The following TENM2 variants were observed in gnomAD, a reference collection of about 807,000 sequenced individuals.
TENM2 encodes the protein teneurin transmembrane protein 2.
A neutral mutation model predicts 245.2 loss-of-function variants in TENM2; 52 were observed. That is an observed-to-expected ratio of 0.21 (90% CI 0.17 to 0.27). TENM2 has a LOEUF of 0.27. TENM2 is among the 10% of genes least tolerant of loss of function. TENM2 has a pLI of 1.00. For synonymous variants in TENM2, 1,363 were observed against 1,438.9 expected (o/e 0.95, Z 1.19); for missense variants, 3,046 against 3,666.8 (o/e 0.83, Z 4.37).
At chr5:167,792,464 T>C (rs1021736053) in intron 2 of TENM2, among the ~76,000 whole-genome samples, 2 of 151,860 alleles carry the variant, frequency 1.3e-5, no homozygotes, top group African/African-American at 2.4e-5. Flanking sequence ...ATTTGGAACA[T>C]ATCCCAACCA....
chr5:167,230,236 A>G, the TENM2 span, among the ~76,000 whole-genome samples: 2 of 152,068 alleles, frequency 1.3e-5, no homozygotes, highest in Non-Finnish European at 2.9e-5. Context: ...AAGGTCAAGG[A>G]GCTCTCACCT....
chr5:167,049,256 G>A, the TENM2 span, among the ~76,000 whole-genome samples: 2 of 152,266 alleles, frequency 1.3e-5, no homozygotes, highest in East Asian at 1.9e-4. Flanking sequence ...GCAAATCAGC[G>A]CCCTCTAGGC....
chr5:167,537,250 C>CAAAA lies in TENM2; in HGVS notation c.502+161792_502+161795dup, dbSNP rs386405596. The stretch of plus-strand genomic sequence containing the variant: ...AATATAGTGAGACCCCCATCTCTAC[C>CAAAA]AAAAAAAAAAAAAAAAAAGCCAGTT... On this transcript the variant is annotated intron_variant, in intron 2 of 28. Transcript: ENST00000518659. Among the ~76,000 whole-genome samples the CAAAA allele has an allele frequency of 7.0e-3, 764 of 108,434 alleles. 18 individuals are homozygous for CAAAA. The highest frequency in any genetic ancestry group is 0.013 in the South Asian group (37 of 2,898). The allele number at this position is 108,434 out of a possible 152,430, so 71.1% of individuals were successfully genotyped here. A position where few individuals can be genotyped will look rare whatever the true frequency, so the allele number is the denominator to read the frequency against.
At chr5:167,063,543 G>C in the TENM2 span, among the ~76,000 whole-genome samples, 2 of 152,080 alleles carry the variant, frequency 1.3e-5, no homozygotes, top group African/African-American at 4.8e-5. Flanking sequence ...AGGGGTGGGG[G>C]AATCTCATTT....
chr5:167,791,107 G>A (rs1319992898), intron 2 of TENM2, among the ~76,000 whole-genome samples: 2 of 152,114 alleles, frequency 1.3e-5, no homozygotes, highest in East Asian at 1.9e-4. Context: ...TAAACCCCAA[G>A]TGTGTGAGCC....
intron 1 of TENM2, among the ~76,000 whole-genome samples, chr5:167,339,979 G>T (rs1244279336): frequency 1.3e-5 from 2 of 152,126 alleles, no homozygotes; most frequent in African/African-American, 4.8e-5. Flanking sequence ...AATTACCCAG[G>T]CTCAGGTATT....
chr5:168,096,326 C>A (rs1748473626), intron 8 of TENM2, among the ~76,000 whole-genome samples: 1 of 152,020 alleles, frequency 6.6e-6, no homozygotes, highest in South Asian at 2.1e-4. Context: ...GTGATGAATT[C>A]AAAAAATAAA....
At chr5:167,218,371 AT>A in the TENM2 span, among the ~76,000 whole-genome samples, 22 of 152,076 alleles carry the variant, frequency 1.4e-4, no homozygotes, top group Admixed American at 3.9e-4. Context: ...TAATTTTTAA[AT>A]TTTTTTTCCC....
chr5:167,750,992 G>A (rs1257207625), intron 2 of TENM2, among the ~76,000 whole-genome samples: 2 of 152,172 alleles, frequency 1.3e-5, no homozygotes, highest in Admixed American at 1.3e-4. Context: ...TATCAGGAAA[G>A]GCTTCCTTAA....
chr5:167,252,275 G>A, the TENM2 span, among the ~76,000 whole-genome samples: 1 of 152,170 alleles, frequency 6.6e-6, no homozygotes, highest in Non-Finnish European at 1.5e-5. Flanking sequence ...CAGAGGCTGA[G>A]TCCAAAGCAT....
the TENM2 span, among the ~76,000 whole-genome samples, chr5:167,046,433 C>T: frequency 2.0e-5 from 3 of 152,162 alleles, no homozygotes; most frequent in Non-Finnish European, 4.4e-5. Context: ...GTGCTTTTTA[C>T]TTACTGAAAA....
exon 6 of TENM2, chr5:168,047,479 C>A (rs1788707099): frequency 6.4e-7 from 1 of 1,551,700 alleles, no homozygotes; most frequent in Non-Finnish European, 8.7e-7. Flanking sequence ...ATGGGCACAC[C>A]TTTAACAATG....
At chr5:167,957,019 A>G (rs1389615714) in intron 4 of TENM2, among the ~76,000 whole-genome samples, 2 of 151,842 alleles carry the variant, frequency 1.3e-5, no homozygotes, top group African/African-American at 2.4e-5. Context: ...CTCTTTTTCA[A>G]TTGTTTGGAA....
At chr5:166,986,347 T>TGCTCTCAGTTTAATGGGATCA in the TENM2 span, among the ~76,000 whole-genome samples, 1 of 152,210 alleles carries the variant, frequency 6.6e-6, no homozygotes. Context: ...TTTTTTACTC[T>TGCTCTCAGTTTAATGGGATCA]GCTCTCAGTT....
chr5:167,081,198 C>T, the TENM2 span, among the ~76,000 whole-genome samples: 1 of 151,702 alleles, frequency 6.6e-6, no homozygotes, highest in East Asian at 1.9e-4. Context: ...AAGGGGAAAA[C>T]ATATCTTTAG....
chr5:167,840,405 CAT>C (rs1405267302), intron 2 of TENM2, among the ~76,000 whole-genome samples: 1 of 152,144 alleles, frequency 6.6e-6, no homozygotes, highest in African/African-American at 2.4e-5. Flanking sequence ...TCAAGGAACA[CAT>C]GTATTTCTCC....
chr5:167,845,456 C>A (rs1405166161), intron 2 of TENM2, among the ~76,000 whole-genome samples: 1 of 152,172 alleles, frequency 6.6e-6, no homozygotes, highest in Non-Finnish European at 1.5e-5. Context: ...CAATGCATCA[C>A]TTTCCTACTG....
chr5:167,507,257 A>G (rs1769618617), intron 2 of TENM2, among the ~76,000 whole-genome samples: 1 of 152,230 alleles, frequency 6.6e-6, no homozygotes, highest in South Asian at 2.1e-4. Flanking sequence ...AAGTAATTTT[A>G]GTTATTTAAC....
intron 2 of TENM2, among the ~76,000 whole-genome samples, chr5:167,641,422 T>G (rs1348039082): frequency 6.6e-6 from 1 of 152,022 alleles, no homozygotes. Context: ...GGCAGTTCAG[T>G]GAGGAAGTAA....
Sources: gnomAD v4.1 joint callset for allele counts (sites outside exome capture counted in the v4.1 genomes callset) on GRCh38, gnomAD v4.1.1 for gene constraint, MANE v1.5 for transcripts, NCBI Gene and HGNC (gene_info 2026-07-23, HGNC 2026-07-21) for gene names.